PTPRD: variants seen among roughly 807,000 people sequenced by gnomAD.
PTPRD encodes receptor-type tyrosine-protein phosphatase delta.
Under a neutral mutation model 214.5 loss-of-function variants are expected in PTPRD, and 34 were observed. The observed-to-expected ratio is 0.16, with a 90% CI of 0.12 to 0.21. The LOEUF is 0.21. Among genes scored for constraint, PTPRD ranks in the 10% least tolerant of loss-of-function variants. The pLI, the probability that PTPRD is intolerant of heterozygous loss-of-function variation, is 1.00. For synonymous variants in PTPRD, 1,128 were observed against 845.7 expected, an observed-to-expected ratio of 1.33 and a Z score of -5.79; for missense variants, 2,545 against 2,398.7, an observed-to-expected ratio of 1.06 and a Z score of -1.27.
At chr9:10,575,098 T>C (rs777586273) in intron 2 of PTPRD, among the ~76,000 whole-genome samples, 2 of 152,092 alleles carry the variant, frequency 1.3e-5, no homozygotes, top group Non-Finnish European at 2.9e-5. Flanking sequence ...ATCCTTTAGA[T>C]TACTGAAATC....
intron 3 of PTPRD, among the ~76,000 whole-genome samples, chr9:10,035,469 G>A (rs2154136131): frequency 6.6e-6 from 1 of 152,172 alleles, no homozygotes; most frequent in African/African-American, 2.4e-5. Context: ...TACTTCTGTT[G>A]CAATTGCTTT....
At chr9:8,633,173 T>C (rs1033800523) in intron 14 of PTPRD, 144 bp downstream of exon 14, 2 of 1,011,424 alleles carry the variant, frequency 2.0e-6, no homozygotes, top group African/African-American at 3.3e-5. Context: ...GTATCCACTG[T>C]CTAATTAAAG....
intron 37 of PTPRD, among the ~76,000 whole-genome samples, chr9:8,379,470 A>C (rs1403537238): frequency 6.6e-6 from 1 of 152,144 alleles, no homozygotes; most frequent in Admixed American, 6.6e-5. Context: ...CCATATGCTA[A>C]ACATATGATT....
chr9:9,468,455 T>C (rs533246294), intron 8 of PTPRD, among the ~76,000 whole-genome samples: 127 of 152,212 alleles, frequency 8.3e-4, no homozygotes, highest in Non-Finnish European at 1.5e-3. Context: ...GTGTGTTGTT[T>C]CCTGTCTTTA....
chr9:10,220,189 T>G (rs1242953422), intron 3 of PTPRD, among the ~76,000 whole-genome samples: 2 of 151,902 alleles, frequency 1.3e-5, no homozygotes, highest in African/African-American at 2.4e-5. Flanking sequence ...TAGTGAATAA[T>G]AAATTGCAGT....
intron 5 of PTPRD, among the ~76,000 whole-genome samples, chr9:9,870,013 C>T (rs1466288120): frequency 6.6e-6 from 1 of 151,938 alleles, no homozygotes; most frequent in Non-Finnish European, 1.5e-5. Flanking sequence ...TAGCTTACAT[C>T]AATATTATCT....
chr9:8,805,418 T>C (rs2096655833), intron 11 of PTPRD, among the ~76,000 whole-genome samples: 1 of 152,096 alleles, frequency 6.6e-6, no homozygotes, highest in Admixed American at 6.5e-5. Context: ...AATGAAAATA[T>C]TATGCACATC....
intron 11 of PTPRD, among the ~76,000 whole-genome samples, chr9:8,925,524 CA>C (rs34721755): frequency 1.3e-5 from 2 of 149,624 alleles, no homozygotes; most frequent in Non-Finnish European, 3.0e-5. Flanking sequence ...AGAAAACAAA[CA>C]AAAAAAACCA....
intron 9 of PTPRD, among the ~76,000 whole-genome samples, chr9:9,213,936 C>A: frequency 6.6e-6 from 1 of 150,688 alleles, no homozygotes; most frequent in East Asian, 1.9e-4. Flanking sequence ...TTTATTTGCT[C>A]ACTTTTCTAG....
At chr9:10,452,585 G>GA (rs2098848941) in intron 2 of PTPRD, among the ~76,000 whole-genome samples, 1 of 151,634 alleles carries the variant, frequency 6.6e-6, no homozygotes, top group African/African-American at 2.4e-5. Context: ...TCACCTCTCT[G>GA]ATGATTAATG....
chr9:9,954,874 G>C (rs994455443), intron 4 of PTPRD, among the ~76,000 whole-genome samples: 2 of 152,100 alleles, frequency 1.3e-5, no homozygotes, highest in Non-Finnish European at 2.9e-5. Flanking sequence ...AAAGGAATGA[G>C]ATCAATTTGC....
intron 2 of PTPRD, among the ~76,000 whole-genome samples, chr9:10,595,232 A>G (rs2076338605): frequency 6.6e-6 from 1 of 151,932 alleles, no homozygotes. Flanking sequence ...CAGCTGATGT[A>G]AAGAATTTTT....
chr9:9,776,363 C>G (rs1043479010), intron 5 of PTPRD, among the ~76,000 whole-genome samples: 4 of 152,068 alleles, frequency 2.6e-5, no homozygotes, highest in Non-Finnish European at 5.9e-5. Context: ...ATCTCTTGAA[C>G]TCGTGTGCCA....
At chr9:10,149,083 T>C (rs2099043218) in intron 3 of PTPRD, among the ~76,000 whole-genome samples, 1 of 152,190 alleles carries the variant, frequency 6.6e-6, no homozygotes, top group South Asian at 2.1e-4. Context: ...CACATTCAAA[T>C]GAAGCAGAGC....
intron 2 of PTPRD, among the ~76,000 whole-genome samples, chr9:10,587,590 AT>A (rs556034459): frequency 9.5e-4 from 145 of 152,178 alleles, no homozygotes; most frequent in African/African-American, 3.5e-3. Flanking sequence ...AGATTATTGC[AT>A]TTCCTCATCA....
At chr9:10,149,733 C>CTTT (rs1368624726) in intron 3 of PTPRD, among the ~76,000 whole-genome samples, 1 of 142,440 alleles carries the variant, frequency 7.0e-6, no homozygotes, top group Admixed American at 7.1e-5. Flanking sequence ...CTTTTTTTTT[C>CTTT]TTTTTTTTTT....
intron 7 of PTPRD, among the ~76,000 whole-genome samples, chr9:9,581,715 T>A (rs377472027): frequency 6.6e-6 from 1 of 152,172 alleles, no homozygotes; most frequent in South Asian, 2.1e-4. Flanking sequence ...GCCTAACTTA[T>A]TTCTTACAAA....
intron 9 of PTPRD, among the ~76,000 whole-genome samples, chr9:9,234,189 G>T (rs2099965032): frequency 6.6e-6 from 1 of 152,176 alleles, no homozygotes; most frequent in Non-Finnish European, 1.5e-5. Flanking sequence ...TAACTTCTGT[G>T]CACCTGCAGG....
At chr9:8,736,579 C>T (rs1436481273) in intron 11 of PTPRD, among the ~76,000 whole-genome samples, 1 of 152,034 alleles carries the variant, frequency 6.6e-6, no homozygotes, top group Admixed American at 6.5e-5. Flanking sequence ...TCAGCTTAAG[C>T]ATGAGAACAA....
Sources: gnomAD v4.1 joint callset for allele counts (sites outside exome capture counted in the v4.1 genomes callset) on GRCh38, gnomAD v4.1.1 for gene constraint, MANE v1.5 for transcripts, NCBI Gene and HGNC (gene_info 2026-07-23, HGNC 2026-07-21) for gene names.